CDK19: variants seen among roughly 807,000 people sequenced by gnomAD.
CDK19 encodes the protein cyclin dependent kinase 19.
Under a neutral mutation model 68.3 loss-of-function variants are expected in CDK19, and 20 were observed. The observed-to-expected ratio is 0.29, with a 90% CI of 0.21 to 0.43. CDK19 has a LOEUF of 0.43. CDK19 is among the 20% of genes least tolerant of loss of function. The pLI is 1.00. For synonymous variants in CDK19, 221 were observed against 222.8 expected, an observed-to-expected ratio of 0.99 and a Z score of 0.07; for missense variants, 339 against 623.5, an observed-to-expected ratio of 0.54 and a Z score of 4.86.
intron 4 of CDK19, among the ~76,000 whole-genome samples, chr6:110,649,161 C>G (rs181846966): frequency 6.6e-6 from 1 of 151,804 alleles, no homozygotes; most frequent in Non-Finnish European, 1.5e-5. Context: ...AAAATCCCAT[C>G]AGGGATTTTG....
At chr6:110,754,930 T>C (rs1307282425) in intron 1 of CDK19, among the ~76,000 whole-genome samples, 2 of 152,004 alleles carry the variant, frequency 1.3e-5, no homozygotes, top group Non-Finnish European at 1.5e-5. Flanking sequence ...TGTCAAGCAC[T>C]GTGCTAGGTT....
intron 3 of CDK19, 71 bp downstream of exon 3, chr6:110,670,360 T>C (rs1770892620): frequency 2.6e-6 from 2 of 754,986 alleles, no homozygotes; most frequent in Middle Eastern, 4.8e-4. Context: ...GCATTAACAA[T>C]ATGTATTTTA....
chr6:110,807,486 G>A (rs1482774812), intron 1 of CDK19, among the ~76,000 whole-genome samples: 1 of 152,120 alleles, frequency 6.6e-6, no homozygotes, highest in Non-Finnish European at 1.5e-5. Context: ...TTGAAACAGA[G>A]TCTCACTCTG....
chr6:110,772,995 C>T (rs1364697891), intron 1 of CDK19, among the ~76,000 whole-genome samples: 2 of 145,412 alleles, frequency 1.4e-5, no homozygotes, highest in African/African-American at 5.1e-5. Context: ...GCGGGCAGAT[C>T]GCTTGAGCCC....
chr6:110,798,542 T>C (rs867531586), intron 1 of CDK19, among the ~76,000 whole-genome samples: 19 of 149,942 alleles, frequency 1.3e-4, no homozygotes, highest in African/African-American at 4.4e-4. Flanking sequence ...AGAGAATCCC[T>C]TGAACCCGGG....
intron 4 of CDK19, among the ~76,000 whole-genome samples, chr6:110,665,014 G>A (rs567420371): frequency 6.6e-6 from 1 of 152,240 alleles, no homozygotes; most frequent in Non-Finnish European, 1.5e-5. Context: ...AAAGATGACA[G>A]GGATAGAGAA....
intron 1 of CDK19, among the ~76,000 whole-genome samples, chr6:110,783,637 CAAAAAAAAAAAA>C (rs1476607503): frequency 2.2e-5 from 2 of 89,058 alleles, no homozygotes; most frequent in Admixed American, 1.2e-4. Context: ...GATTCTGTCT[CAAAAAAAAAAAA>C]GAAAAAAAAA....
At chr6:110,689,358 G>C (rs1248792492) in intron 2 of CDK19, among the ~76,000 whole-genome samples, 1 of 152,122 alleles carries the variant, frequency 6.6e-6, no homozygotes, top group Non-Finnish European at 1.5e-5. Context: ...ACTTCTGGGA[G>C]CTTTTCGGCC....
chr6:110,623,012 C>T (rs960144028), intron 9 of CDK19, 100 bp from the exon 10 acceptor site: 3 of 826,168 alleles, frequency 3.6e-6, no homozygotes, highest in Non-Finnish European at 4.2e-6. Flanking sequence ...ATATAAAATA[C>T]ATTTGGTGTA....
At chr6:110,732,610 C>T (rs1392521349) in intron 2 of CDK19, among the ~76,000 whole-genome samples, 3 of 152,114 alleles carry the variant, frequency 2.0e-5, no homozygotes, top group Non-Finnish European at 2.9e-5. Flanking sequence ...TAGACTTTTC[C>T]CATTCCTTTA....
At chr6:110,625,289 A>T (rs1389802424) in intron 8 of CDK19, among the ~76,000 whole-genome samples, 2 of 152,094 alleles carry the variant, frequency 1.3e-5, no homozygotes, top group Admixed American at 1.3e-4. Flanking sequence ...AAGTTTGAGA[A>T]GTACTCATCC....
At chr6:110,728,647 G>T (rs1321631094) in intron 2 of CDK19, among the ~76,000 whole-genome samples, 1 of 151,730 alleles carries the variant, frequency 6.6e-6, no homozygotes, top group Non-Finnish European at 1.5e-5. Context: ...CCACACAGCT[G>T]CATGTGACCT....
chr6:110,778,698 A>T (rs929605074), intron 1 of CDK19, among the ~76,000 whole-genome samples: 1 of 152,094 alleles, frequency 6.6e-6, no homozygotes, highest in Non-Finnish European at 1.5e-5. Context: ...TTAGGAACAG[A>T]CCATGGTTTT....
chr6:110,647,014 C>A (rs1436963952), intron 4 of CDK19, among the ~76,000 whole-genome samples: 5 of 152,010 alleles, frequency 3.3e-5, no homozygotes, highest in Admixed American at 2.6e-4. Flanking sequence ...TCCACCTATG[C>A]CCCAGGCCTT....
At chr6:110,635,510 C>T (rs536580409) in intron 5 of CDK19, among the ~76,000 whole-genome samples, 25 of 152,240 alleles carry the variant, frequency 1.6e-4, no homozygotes, top group South Asian at 8.3e-4. Flanking sequence ...AATGTGTTTT[C>T]CATGCAAGTA....
At chr6:110,615,850 T>C (rs1047440194) in intron 12 of CDK19, among the ~76,000 whole-genome samples, 15 of 152,172 alleles carry the variant, frequency 9.9e-5, no homozygotes, top group African/African-American at 3.6e-4. Flanking sequence ...GTAAATAACA[T>C]CACTATTGTC....
intron 8 of CDK19, among the ~76,000 whole-genome samples, chr6:110,623,929 A>G (rs1014694384): frequency 1.3e-4 from 19 of 142,676 alleles, no homozygotes; most frequent in African/African-American, 4.8e-4. Flanking sequence ...ATATACGTGT[A>G]TATATATATA....
intron 12 of CDK19, among the ~76,000 whole-genome samples, chr6:110,616,655 G>A (rs193247544): frequency 7.9e-5 from 12 of 150,950 alleles, no homozygotes; most frequent in Non-Finnish European, 1.3e-4. Context: ...GGCGACAGAG[G>A]GAGACTCCAT....
chr6:110,788,173 GT>G lies in CDK19; in HGVS notation c.128+26835del. On this transcript the variant is annotated intron_variant, in intron 1 of 12. Transcript: ENST00000368911. ...GTTTTTTTGTTGTTGTTGTTTGTTT[GT>G]TTTTGAGACAGGCTCTTGATCTGAT... 2.0e-5 allele frequency among the ~76,000 whole-genome samples: 3 copies of G among 150,588 alleles called. No individual in the cohort carries two copies. In the Middle Eastern group the frequency reaches 0.01, roughly 523 times the overall value.
Sources: allele counts gnomAD v4.1 joint callset (sites outside exome capture counted in the v4.1 genomes callset), GRCh38; gene constraint gnomAD v4.1.1; transcripts MANE v1.5; gene names NCBI Gene and HGNC (gene_info 2026-07-23, HGNC 2026-07-21).